The following ETV3 variants were observed in gnomAD, a reference collection of about 807,000 sequenced individuals.
ETV3 encodes ETS variant transcription factor 3.
ETV3 carries 8 observed loss-of-function variants against 33.0 expected under a neutral mutation model. The observed-to-expected ratio is 0.24, with a 90% CI of 0.14 to 0.44. ETV3 has a LOEUF of 0.44. Among genes scored for constraint, ETV3 ranks in the 20% least tolerant of loss-of-function variants. The pLI is 1.00. For missense variants in ETV3, 473 were observed against 652.3 expected (o/e 0.73, Z 2.99); for synonymous variants, 222 against 238.9 (o/e 0.93, Z 0.65).
chr1:157,135,696 G>A lies in ETV3; in HGVS notation c.59C>T (p.Pro20Leu), dbSNP rs1675091061. ...TGACTCTGTTTTGTAGGCCCAGTCA[G>A]GAAACTGATACCCTTTCATGTGAGA... ...KPEGGGGYQF[P>L]DWAYKTESSP... Residue 20 changes from proline (P) to leucine (L), a missense_variant, in exon 3 of 5, where the codon CCT becomes CTT. Coordinates refer to ENST00000368192, the MANE Select transcript of ETV3 (RefSeq NM_001145312.3). 6.2e-7 allele frequency: 1 copy of A among 1,614,190 alleles called. No individual in the cohort carries two copies. The highest frequency in any genetic ancestry group is 8.5e-7 in the Non-Finnish European group (1 of 1,180,032).
intron 1 of ETV3, among the ~76,000 whole-genome samples, chr1:157,136,925 C>A: frequency 6.6e-6 from 1 of 152,170 alleles, no homozygotes; most frequent in Non-Finnish European, 1.5e-5. Flanking sequence ...TGCTCCCTCC[C>A]CCTTGAAAAA....
At chr1:157,138,078 G>T (rs956038013) in intron 1 of ETV3, among the ~76,000 whole-genome samples, 1 of 152,136 alleles carries the variant, frequency 6.6e-6, no homozygotes, top group Admixed American at 6.5e-5. Flanking sequence ...CCCGGGCCGG[G>T]CTTCCCTTAA....
Position 157,136,553 on chromosome 1 carries a change from A to C in ETV3, c.-13-188T>G, listed in dbSNP as rs114512359. On this transcript the variant is annotated intron_variant, in intron 1 of 4. Transcript: ENST00000368192. ...GTTATCAAATGATGGGCCTCAGGTC[A>C]TCAGCTTCAAAAGCCATAATTATCT... Among the ~76,000 whole-genome samples the C allele has an allele frequency of 4.3e-3, 661 of 152,332 alleles. 5 individuals are homozygous for C. The highest frequency in any genetic ancestry group is 0.015 in the African/African-American group (606 of 41,574).
At chr1:157,127,702 T>C (rs1162904270) in intron 4 of ETV3, among the ~76,000 whole-genome samples, 1 of 151,590 alleles carries the variant, frequency 6.6e-6, no homozygotes, top group African/African-American at 2.4e-5. Flanking sequence ...TGTGCTACCA[T>C]GCCCGGCTAA....
Position 157,124,735 on chromosome 1 carries a change from A to C in ETV3, c.*106T>G. 1.7e-6 allele frequency: 2 copies of C among 1,146,358 alleles called. No homozygotes were observed. The highest frequency in any genetic ancestry group is 2.4e-6 in the Non-Finnish European group (2 of 832,910). 71.0% of individuals were successfully genotyped at this position (1,146,358 alleles called of 1,614,324 possible). On this transcript the variant is annotated 3_prime_UTR_variant, in exon 5 of 5. Coordinates refer to ENST00000368192, the MANE Select transcript of ETV3 (RefSeq NM_001145312.3). ...AAAAATACAAGTCTATGCCCCTAGA[A>C]TGATCAAACCAGTTTAACTCCCTCC...
At chr1:157,136,432 T>C (rs2103208686) in intron 1 of ETV3, 67 bp from the exon 2 acceptor site, 3 of 1,439,068 alleles carry the variant, frequency 2.1e-6, no homozygotes, top group South Asian at 1.3e-5. Flanking sequence ...AAAAGTTTTC[T>C]GGCAGTCTCT....
In ETV3 at chr1:157,124,238, C is replaced by CAAAAAAAAAAAAAAA. The variant is rs11348539; in HGVS notation, c.*588_*602dup. The CAAAAAAAAAAAAAAA allele has an allele frequency of 4.4e-5, 3 of 67,690 alleles. No individual in the cohort carries two copies. Among genetic ancestry groups the CAAAAAAAAAAAAAAA allele is most frequent in the Non-Finnish European group, 8.7e-5 (3 of 34,592 alleles). The allele number at this position is 67,690 out of a possible 1,614,324, so 4.2% of individuals were successfully genotyped here. ...GAAAAAAATGCCAAACAACACCAAC[C>CAAAAAAAAAAAAAAA]AAAAAAAAAAAAAAAAAAAAAAGAA... is the stretch of plus-strand genomic sequence containing the variant. On this transcript the variant is annotated 3_prime_UTR_variant, in exon 5 of 5. Transcript: ENST00000368192.
At chr1:157,128,351 G>C (rs1478504183) in intron 4 of ETV3, 1 of 174,392 alleles carries the variant, frequency 5.7e-6, no homozygotes, top group Non-Finnish European at 1.3e-5. Context: ...TGATGAAAGA[G>C]AGAATTAAAT....
intron 4 of ETV3, among the ~76,000 whole-genome samples, chr1:157,131,819 TAA>T (rs895359689): frequency 6.6e-5 from 10 of 152,262 alleles, no homozygotes; most frequent in African/African-American, 2.4e-4. Flanking sequence ...TTTGTTATCA[TAA>T]AGTTACCTTA....
chr1:157,127,413 C>T (rs1346912955), intron 4 of ETV3, among the ~76,000 whole-genome samples: 1 of 152,188 alleles, frequency 6.6e-6, no homozygotes. Flanking sequence ...GAATGATCTC[C>T]ATCTCCAACC....
At chr1:157,131,194 G>C (rs1002495893) in intron 4 of ETV3, among the ~76,000 whole-genome samples, 1 of 152,136 alleles carries the variant, frequency 6.6e-6, no homozygotes, top group African/African-American at 2.4e-5. Flanking sequence ...TAGACTGAGC[G>C]GTATCAAGTC....
At position 157,134,141 on chromosome 1, in the gene ETV3, T is replaced by G. The variant is rs980425502; in HGVS notation, c.371A>C (p.Asn124Thr). 1 of 1,614,008 alleles carries G rather than the reference T, an allele frequency of 6.2e-7. No homozygotes were observed. The highest frequency in any genetic ancestry group is 8.5e-7 in the Non-Finnish European group (1 of 1,180,014). The change falls in exon 4 of 5, where the codon AAC (asparagine) becomes ACC (threonine). Residue 124 changes from asparagine to threonine, a missense_variant. Coordinates refer to ENST00000368192, the MANE Select transcript of ETV3 (RefSeq NM_001145312.3). ...TGACCGAATGTTGATGAATGGGTAG[T>G]TGGGCATCACCAGCTTGTTGAAGTT... ...KFNFNKLVMPNYPFINIRSSG... is the reference protein window; with the variant it reads ...KFNFNKLVMPTYPFINIRSSG...
rs1246354588 is a variant in ETV3, at chr1:157,126,439, T to G, written c.401-460A>C. 4.6e-5 allele frequency among the ~76,000 whole-genome samples: 7 copies of G among 152,256 alleles called. No homozygotes were observed. In the East Asian group the frequency reaches 1.3e-3, roughly 29 times the overall value. On this transcript the variant is annotated intron_variant, in intron 4 of 4. Coordinates refer to ENST00000368192, the MANE Select transcript of ETV3 (RefSeq NM_001145312.3). ...TTTTTAGCTCTGCAAATAGTCTTAT[T>G]TCCATAATTTTGGCCATATATATAT...
intron 2 of ETV3, 42 bp from the exon 3 acceptor site, chr1:157,135,750 G>T: frequency 6.4e-7 from 1 of 1,574,220 alleles, no homozygotes; most frequent in Non-Finnish European, 8.7e-7. Context: ...TTAAGAGGTA[G>T]GTACATACAT....
At position 157,121,431 on chromosome 1, in the gene ETV3, T is replaced by C. The variant is rs966604121; in HGVS notation, c.*3410A>G. 1.3e-5 allele frequency: 2 copies of C among 152,162 alleles called. No individual in the cohort carries two copies. Among genetic ancestry groups the C allele is most frequent in the African/African-American group, 4.8e-5 (2 of 41,432 alleles). 9.4% of individuals were successfully genotyped at this position (152,162 alleles called of 1,614,324 possible). A position where few individuals can be genotyped will look rare whatever the true frequency, so the allele number is the denominator to read the frequency against. Reference sequence around the variant, plus strand: ...TAAGATTACTTACATTTTATGTACATATACACACTTTACTCTGCTCAAGCA... The same window carrying C: ...TAAGATTACTTACATTTTATGTACACATACACACTTTACTCTGCTCAAGCA... On this transcript the variant is annotated 3_prime_UTR_variant, in exon 5 of 5. Coordinates refer to ENST00000368192, the MANE Select transcript of ETV3 (RefSeq NM_001145312.3).
At chr1:157,134,317 C>T (rs903350765) in intron 3 of ETV3, 90 bp from the exon 4 acceptor site, 4 of 1,507,314 alleles carry the variant, frequency 2.7e-6, no homozygotes, top group Non-Finnish European at 3.5e-6. Context: ...ACAATTCTTG[C>T]TCTGAGTATT....
At chr1:157,137,144 T>C (rs1011611319) in intron 1 of ETV3, among the ~76,000 whole-genome samples, 1 of 152,112 alleles carries the variant, frequency 6.6e-6, no homozygotes, top group Admixed American at 6.5e-5. Flanking sequence ...AGATTTACAG[T>C]TCCTCAATAA....
Position 157,136,475 on chromosome 1 carries a change from G to T in ETV3, c.-13-110C>A, listed in dbSNP as rs1164548622. ...CTTCCTTTCCCCTGTTCTTCTTTCC[G>T]TATGCAACTCTCTTTCTTTCAAACA... is the stretch of plus-strand genomic sequence containing the variant. On this transcript the variant is annotated intron_variant, in intron 1 of 4. Transcript: ENST00000368192. 3 of 923,152 alleles carry T rather than the reference G, an allele frequency of 3.2e-6. No homozygotes were observed. The African/African-American group carries it at 5.1e-5, about 16-fold the overall frequency. The allele number at this position is 923,152 out of a possible 1,614,324, so 57.2% of individuals were successfully genotyped here.
chr1:157,129,950 T>C (rs1239468422), intron 4 of ETV3, among the ~76,000 whole-genome samples: 1 of 152,034 alleles, frequency 6.6e-6, no homozygotes, highest in African/African-American at 2.4e-5. Context: ...TTCAAGCAAT[T>C]CTTCTGCCTC....
Sources: allele counts gnomAD v4.1 joint callset (sites outside exome capture counted in the v4.1 genomes callset), GRCh38; gene constraint gnomAD v4.1.1; transcripts MANE v1.5; gene names NCBI Gene and HGNC (gene_info 2026-07-23, HGNC 2026-07-21).